The following SLC28A1 variants were observed in gnomAD, a reference collection of about 807,000 sequenced individuals.
SLC28A1 encodes sodium/nucleoside cotransporter 1.
SLC28A1 carries 64 observed loss-of-function variants against 74.8 expected under a neutral mutation model. The ratio of observed to expected loss-of-function variants is 0.86; its 90% CI spans 0.70 to 1.05. SLC28A1 has a LOEUF of 1.05. Ranked by LOEUF, SLC28A1 falls within the 50% of genes least tolerant of loss-of-function variation. The pLI, the probability that SLC28A1 is intolerant of heterozygous loss-of-function variation, is 0.00. For synonymous variants in SLC28A1, 359 were observed against 335.0 expected (o/e 1.07, Z -0.78); for missense variants, 828 against 822.8 (o/e 1.01, Z -0.08).
At chr15:84,893,008 C>T (rs1009520371) in intron 5 of SLC28A1, among the ~76,000 whole-genome samples, 3 of 152,154 alleles carry the variant, frequency 2.0e-5, no homozygotes, top group African/African-American at 7.2e-5. Context: ...TCCTTGTGCC[C>T]CTCCTGGAGG....
chr15:84,886,092 C>A (rs1964569238), intron 1 of SLC28A1: 1 of 976,442 alleles, frequency 1.0e-6, no homozygotes. Context: ...GACTGGAAAA[C>A]TAAAGCATTC....
the SLC28A1 span, among the ~76,000 whole-genome samples, chr15:84,973,851 G>C: frequency 1.4e-4 from 22 of 152,156 alleles, no homozygotes; most frequent in Non-Finnish European, 2.9e-4. Flanking sequence ...GCGACCCTGG[G>C]TGTGTCTAGG....
chr15:84,972,832 T>C, the SLC28A1 span, among the ~76,000 whole-genome samples: 1 of 152,246 alleles, frequency 6.6e-6, no homozygotes, highest in Non-Finnish European at 1.5e-5. Flanking sequence ...CCACGTAATT[T>C]ACCAAACACA....
At chr15:84,934,040 T>A (rs529346520) in intron 13 of SLC28A1, among the ~76,000 whole-genome samples, 2 of 152,118 alleles carry the variant, frequency 1.3e-5, no homozygotes, top group Non-Finnish European at 2.9e-5. Context: ...AATCCAACAT[T>A]CAGGAATGGA....
the SLC28A1 span, among the ~76,000 whole-genome samples, chr15:84,965,243 A>T: frequency 6.6e-6 from 1 of 152,172 alleles, no homozygotes; most frequent in Admixed American, 6.5e-5. Flanking sequence ...CCCACCATGT[A>T]CAGAAAAATG....
At chr15:84,966,453 G>A in the SLC28A1 span, among the ~76,000 whole-genome samples, 10 of 152,250 alleles carry the variant, frequency 6.6e-5, no homozygotes, top group East Asian at 3.9e-4. Flanking sequence ...CTGCAGCCTC[G>A]AATTTCTGGG....
At chr15:84,890,814 G>A (rs1263337141) in intron 5 of SLC28A1, among the ~76,000 whole-genome samples, 2 of 152,166 alleles carry the variant, frequency 1.3e-5, no homozygotes, top group Admixed American at 6.5e-5. Context: ...GATCAGGGAG[G>A]ACTTCCAGGA....
chr15:84,888,727 G>T, intron 3 of SLC28A1, 45 bp from the exon 4 acceptor site: 1 of 1,403,110 alleles, frequency 7.1e-7, no homozygotes, highest in Non-Finnish European at 9.9e-7. Context: ...GTTCCTGGGG[G>T]TGGGTAAGGG....
At position 84,935,225 on chromosome 15, in the gene SLC28A1, A is replaced by G. The variant is rs761011263; in HGVS notation, c.1383+31A>G. On this transcript the variant is annotated intron_variant, in intron 14 of 18. Coordinates refer to ENST00000394573, the MANE Select transcript of SLC28A1 (RefSeq NM_004213.5). Reference sequence around the variant, plus strand: ...TTTCTGGCCACCACACTCAGTCTGTAGAGAGGATGGCCCCAGGTGGGTGGT... The same window carrying G: ...TTTCTGGCCACCACACTCAGTCTGTGGAGAGGATGGCCCCAGGTGGGTGGT... 7 of 1,613,444 alleles carry G rather than the reference A, an allele frequency of 4.3e-6. No individual in the cohort carries two copies. The Admixed American group carries it at 1.2e-4, about 27-fold the overall frequency.
chr15:84,917,580 C>T (rs1054386065), intron 9 of SLC28A1, among the ~76,000 whole-genome samples: 9 of 151,512 alleles, frequency 5.9e-5, no homozygotes, highest in African/African-American at 2.2e-4. Context: ...GGCTACCCCC[C>T]ACCCCCTTCT....
the SLC28A1 span, among the ~76,000 whole-genome samples, chr15:84,967,532 A>T: frequency 6.6e-6 from 1 of 152,234 alleles, no homozygotes; most frequent in African/African-American, 2.4e-5. Flanking sequence ...GCACAAATTC[A>T]TTCAGACACA....
intron 15 of SLC28A1, among the ~76,000 whole-genome samples, chr15:84,939,215 G>A (rs1430259531): frequency 6.6e-6 from 1 of 152,202 alleles, no homozygotes; most frequent in East Asian, 1.9e-4. Flanking sequence ...AGCTACTTGG[G>A]ACACTGAGGC....
the SLC28A1 span, among the ~76,000 whole-genome samples, chr15:84,967,020 A>C: frequency 5.3e-5 from 8 of 151,922 alleles, no homozygotes; most frequent in Non-Finnish European, 1.2e-4. Flanking sequence ...GTTTCAAGTG[A>C]TCCTCCTGCC....
At position 84,933,266 on chromosome 15, in the gene SLC28A1, T is replaced by C. The variant is rs776776872; in HGVS notation, c.1205T>C (p.Leu402Pro). ...SKFRREEGVK[L>P]TYGDAQNLIE... ...TTTAGGAGGGAGGAAGGAGTGAAAC[T>C]GACCTATGGGTGAGCACAGCAGGAG... Residue 402 changes from leucine to proline, a missense_variant, in exon 13 of 19, where the codon CTG becomes CCG. Leu to Pro is a moderately conservative substitution (Grantham distance 98). Transcript: ENST00000394573. 1 of 1,612,990 alleles carries C rather than the reference T, an allele frequency of 6.2e-7. No homozygotes were observed. Among genetic ancestry groups the C allele is most frequent in the African/African-American group, 1.3e-5 (1 of 74,838 alleles).
chr15:84,916,551 C>G (rs560386673), intron 9 of SLC28A1, among the ~76,000 whole-genome samples: 9 of 152,258 alleles, frequency 5.9e-5, no homozygotes, highest in Admixed American at 5.9e-4. Context: ...CTGGGCCAAC[C>G]TGTACTTCTT....
At chr15:84,905,271 A>G (rs8033895) in intron 7 of SLC28A1, among the ~76,000 whole-genome samples, 31,029 of 152,140 alleles carry the variant, frequency 0.2, 3,341 homozygotes, top group African/African-American at 0.26. Context: ...ACGAAGTGCC[A>G]TGGCATGCCC....
intron 6 of SLC28A1, among the ~76,000 whole-genome samples, chr15:84,903,135 T>A (rs1178588144): frequency 6.6e-6 from 1 of 152,238 alleles, no homozygotes; most frequent in Non-Finnish European, 1.5e-5. Flanking sequence ...TGAACTGGAA[T>A]GAGAAGAGTT....
chr15:84,928,580 T>C (rs145108500), intron 12 of SLC28A1, among the ~76,000 whole-genome samples: 440 of 18,550 alleles, frequency 0.024, 14 homozygotes, highest in East Asian at 0.12. Flanking sequence ...CTTTCTTTCT[T>C]TCTTTCTTTC....
At chr15:84,894,692 A>G (rs1965749004) in intron 5 of SLC28A1, among the ~76,000 whole-genome samples, 1 of 152,020 alleles carries the variant, frequency 6.6e-6, no homozygotes, top group African/African-American at 2.4e-5. Context: ...TCTCCCTCAC[A>G]TTTGGTAAGC....
Sources: allele counts gnomAD v4.1 joint callset (sites outside exome capture counted in the v4.1 genomes callset), GRCh38; gene constraint gnomAD v4.1.1; transcripts MANE v1.5; gene names NCBI Gene and HGNC (gene_info 2026-07-23, HGNC 2026-07-21).